Variants in GALNT7 observed in about 807,000 individuals in gnomAD.
GALNT7 encodes the protein N-acetylgalactosaminyltransferase 7.
A neutral mutation model predicts 82.1 loss-of-function variants in GALNT7; 60 were observed. The ratio of observed to expected loss-of-function variants is 0.73; its 90% CI spans 0.59 to 0.91. The LOEUF is 0.91. Ranked by LOEUF, GALNT7 falls within the 40% of genes least tolerant of loss-of-function variation. GALNT7 has a pLI of 0.00. For missense variants in GALNT7, 660 were observed against 804.2 expected, an observed-to-expected ratio of 0.82 and a Z score of 2.17; for synonymous variants, 243 against 275.1, an observed-to-expected ratio of 0.88 and a Z score of 1.15.
rs1475427703 is a variant in GALNT7 at position 173,178,081 on chromosome 4, A to G, written c.126+9120A>G. ...CGCACGCGCGTGCGCACAGACACCT[A>G]TGTATATATATTTTAGTTGTGATCA... is the stretch of plus-strand genomic sequence containing the variant. On this transcript the variant is annotated intron_variant, in intron 1 of 11. Coordinates refer to ENST00000265000, the MANE Select transcript of GALNT7 (RefSeq NM_017423.3). Among the ~76,000 whole-genome samples, 13 of 148,664 alleles carry G rather than the reference A, an allele frequency of 8.7e-5. 1 individual carries two copies. The highest frequency in any genetic ancestry group is 3.3e-4 in the African/African-American group (13 of 39,104).
At position 173,168,827 on chromosome 4, in the gene GALNT7, C is replaced by T. The variant is rs1731727798; in HGVS notation, c.-9C>T. ...CGCCGGGCTGTGAGTCTCTCGCCGCCGGAGGAAGATGAGGCTGAAGATTGG... is the reference window on the plus strand; with the variant it reads ...CGCCGGGCTGTGAGTCTCTCGCCGCTGGAGGAAGATGAGGCTGAAGATTGG... On this transcript the variant is annotated 5_prime_UTR_variant, in exon 1 of 12. Coordinates refer to ENST00000265000, the MANE Select transcript of GALNT7 (RefSeq NM_017423.3). 6.2e-7 allele frequency: 1 copy of T among 1,612,004 alleles called. No homozygotes were observed. The highest frequency in any genetic ancestry group is 8.5e-7 in the Non-Finnish European group (1 of 1,179,138).
At chr4:173,226,425 A>G (rs1295857050) in intron 1 of GALNT7, among the ~76,000 whole-genome samples, 1 of 152,106 alleles carries the variant, frequency 6.6e-6, no homozygotes, top group African/African-American at 2.4e-5. Context: ...CCAGTCCTCA[A>G]CATTTTACTC....
At chr4:173,318,709 G>A in intron 11 of GALNT7, 150 bp downstream of exon 11, 2 of 551,832 alleles carry the variant, frequency 3.6e-6, no homozygotes, top group Non-Finnish European at 6.4e-6. Flanking sequence ...GTTTTCCTGA[G>A]CACTGGATGA....
intron 1 of GALNT7, among the ~76,000 whole-genome samples, chr4:173,183,845 G>A (rs1361272377): frequency 6.6e-6 from 1 of 150,858 alleles, no homozygotes; most frequent in Non-Finnish European, 1.5e-5. Context: ...TCCCAGACGG[G>A]GCGGCTGCCG....
intron 3 of GALNT7, among the ~76,000 whole-genome samples, chr4:173,295,027 A>C (rs1736670251): frequency 6.6e-6 from 1 of 152,218 alleles, no homozygotes; most frequent in African/African-American, 2.4e-5. Flanking sequence ...GTGCATCTTC[A>C]GAAACCCTAA....
At chr4:173,184,159 C>T (rs1732387120) in intron 1 of GALNT7, among the ~76,000 whole-genome samples, 1 of 151,990 alleles carries the variant, frequency 6.6e-6, no homozygotes, top group African/African-American at 2.4e-5. Flanking sequence ...AGACGATGGG[C>T]GGCCAGGCAG....
Position 173,176,793 on chromosome 4 carries a change from G to T in GALNT7, c.126+7832G>T, listed in dbSNP as rs984040046. 2.6e-5 allele frequency among the ~76,000 whole-genome samples: 4 copies of T among 152,316 alleles called. No homozygotes were observed. In the East Asian group the frequency reaches 5.8e-4, roughly 22 times the overall value. Reference sequence around the variant, plus strand: ...CTGAAAATTGGGTTGGAGAGGGGTGGAATGGAAGAGAGGACTCTAGAAAGA... The same window carrying T: ...CTGAAAATTGGGTTGGAGAGGGGTGTAATGGAAGAGAGGACTCTAGAAAGA... On this transcript the variant is annotated intron_variant, in intron 1 of 11. Transcript: ENST00000265000.
At position 173,227,694 on chromosome 4, in the gene GALNT7, A is replaced by G. The variant is rs754230601; in HGVS notation, c.127-20286A>G. 7.3e-4 allele frequency among the ~76,000 whole-genome samples: 111 copies of G among 152,206 alleles called. 1 individual carries two copies. Among genetic ancestry groups the G allele is most frequent in the Middle Eastern group, 6.8e-3 (2 of 294 alleles). The stretch of plus-strand genomic sequence containing the variant: ...AGTGCTGTGTAGGACTTGAACTTCT[A>G]TCTCATGAATGTCTCATGTTGGCGG... On this transcript the variant is annotated intron_variant, in intron 1 of 11. Coordinates refer to ENST00000265000, the MANE Select transcript of GALNT7 (RefSeq NM_017423.3).
chr4:173,191,037 C>A (rs1043979280), intron 1 of GALNT7, among the ~76,000 whole-genome samples: 10 of 148,206 alleles, frequency 6.7e-5, no homozygotes, highest in Admixed American at 2.7e-4. Context: ...GTAGGTCTTA[C>A]AATGGGCAGG....
intron 8 of GALNT7, among the ~76,000 whole-genome samples, chr4:173,305,496 C>G (rs969883426): frequency 6.6e-6 from 1 of 152,026 alleles, no homozygotes; most frequent in Non-Finnish European, 1.5e-5. Context: ...CATCCAAAAC[C>G]AATATCATGG....
chr4:173,216,727 A>ATATTTTTCTT (rs71244915), intron 1 of GALNT7, among the ~76,000 whole-genome samples: 1 of 12,980 alleles, frequency 7.7e-5, no homozygotes, highest in Non-Finnish European at 1.4e-4. Context: ...ATATATATAT[A>ATATTTTTCTT]TTTTTTTTTT....
intron 2 of GALNT7, among the ~76,000 whole-genome samples, chr4:173,255,298 C>G (rs1397210891): frequency 1.3e-5 from 2 of 152,110 alleles, no homozygotes; most frequent in African/African-American, 4.8e-5. Flanking sequence ...CTGCCCAGAC[C>G]TCATTTGGTT....
At chr4:173,276,815 A>T (rs567358628) in intron 2 of GALNT7, among the ~76,000 whole-genome samples, 142 of 150,670 alleles carry the variant, frequency 9.4e-4, no homozygotes, top group African/African-American at 3.3e-3. Flanking sequence ...TTGCATGAAA[A>T]TTTTTTTTTT....
intron 1 of GALNT7, among the ~76,000 whole-genome samples, chr4:173,210,501 T>C (rs373777897): frequency 1.1e-4 from 16 of 152,172 alleles, no homozygotes; most frequent in Admixed American, 3.3e-4. Context: ...TCGCCCAGGC[T>C]GAAGTGAGAT....
At chr4:173,181,073 A>G (rs1732234074) in intron 1 of GALNT7, among the ~76,000 whole-genome samples, 1 of 152,242 alleles carries the variant, frequency 6.6e-6, no homozygotes, top group African/African-American at 2.4e-5. Context: ...ATGGTACAGA[A>G]TAAATGACTA....
intron 2 of GALNT7, among the ~76,000 whole-genome samples, chr4:173,264,926 T>G (rs1579969023): frequency 6.6e-6 from 1 of 152,222 alleles, no homozygotes; most frequent in Non-Finnish European, 1.5e-5. Context: ...GCGACAGCTC[T>G]TTTTGGAAAA....
intron 1 of GALNT7, among the ~76,000 whole-genome samples, chr4:173,224,858 A>C (rs1484064543): frequency 2.0e-5 from 3 of 151,638 alleles, no homozygotes; most frequent in African/African-American, 2.4e-5. Flanking sequence ...TAAAAATTAA[A>C]AAAAAAATTA....
At chr4:173,226,907 T>C (rs1327801579) in intron 1 of GALNT7, among the ~76,000 whole-genome samples, 2 of 152,240 alleles carry the variant, frequency 1.3e-5, no homozygotes, top group Admixed American at 6.5e-5. Flanking sequence ...ACTTTAAATA[T>C]GTTTGTTCTA....
intron 9 of GALNT7, chr4:173,316,235 C>T (rs915209101): frequency 6.6e-6 from 1 of 152,564 alleles, no homozygotes; most frequent in African/African-American, 2.4e-5. Flanking sequence ...TCCTCAGACT[C>T]CCTCCAGGCA....
Sources: gnomAD v4.1 joint callset for allele counts (sites outside exome capture counted in the v4.1 genomes callset) on GRCh38, gnomAD v4.1.1 for gene constraint, MANE v1.5 for transcripts, NCBI Gene and HGNC (gene_info 2026-07-23, HGNC 2026-07-21) for gene names.